Variants in ARSJ observed in about 807,000 individuals in gnomAD.
ARSJ encodes the protein arylsulfatase family member J.
A neutral mutation model predicts 35.9 loss-of-function variants in ARSJ; 26 were observed. The observed-to-expected ratio is 0.72, with a 90% CI of 0.53 to 1.00. The LOEUF is 1.00. Among genes scored for constraint, ARSJ ranks in the 50% least tolerant of loss-of-function variants. ARSJ has a pLI of 0.00. For missense variants in ARSJ, 667 were observed against 723.6 expected, an observed-to-expected ratio of 0.92 and a Z score of 0.90; for synonymous variants, 294 against 267.6, an observed-to-expected ratio of 1.10 and a Z score of -0.96.
Position 113,979,163 on chromosome 4 carries a change from A to C in ARSJ, c.-329T>G. 4.6e-6 allele frequency: 1 copy of C among 216,416 alleles called. No homozygotes were observed. The highest frequency in any genetic ancestry group is 5.1e-5 in the Admixed American group (1 of 19,560). The allele number at this position is 216,416 out of a possible 1,614,324, so 13.4% of individuals were successfully genotyped here. On this transcript the variant is annotated 5_prime_UTR_variant, in exon 1 of 2. Coordinates refer to ENST00000315366, the MANE Select transcript of ARSJ (RefSeq NM_024590.4). Reference sequence around the variant, plus strand: ...AAAAGTTCTCTGGAGAAAAAAACCAAGCAAGGAATTGAGAATCACAGTGGA... The same window carrying C: ...AAAAGTTCTCTGGAGAAAAAAACCACGCAAGGAATTGAGAATCACAGTGGA...
intron 1 of ARSJ, among the ~76,000 whole-genome samples, chr4:113,911,385 G>A (rs918770472): frequency 6.6e-6 from 1 of 152,178 alleles, no homozygotes; most frequent in African/African-American, 2.4e-5. Flanking sequence ...CACAATCGAA[G>A]CTTTGCGTTG....
intron 1 of ARSJ, among the ~76,000 whole-genome samples, chr4:113,947,567 G>A (rs1318312512): frequency 1.4e-5 from 2 of 140,150 alleles, no homozygotes; most frequent in Non-Finnish European, 3.2e-5. Context: ...AGTGAGGGAG[G>A]GAGGAAAGAA....
chr4:113,941,486 T>C (rs981145047), intron 1 of ARSJ, among the ~76,000 whole-genome samples: 1 of 152,022 alleles, frequency 6.6e-6, no homozygotes, highest in African/African-American at 2.4e-5. Flanking sequence ...CTGGTATCAG[T>C]GTGTTGCCAA....
At chr4:113,957,049 T>C (rs1170532527) in intron 1 of ARSJ, among the ~76,000 whole-genome samples, 1 of 152,094 alleles carries the variant, frequency 6.6e-6, no homozygotes, top group Non-Finnish European at 1.5e-5. Context: ...ATTATGTATA[T>C]TGTCCTAAAT....
chr4:113,929,534 G>T lies in ARSJ; in HGVS notation c.399-25859C>A, dbSNP rs546146409. ...AACTCAGTGTCCCCAGGTTTATCAG[G>T]GTCCTCCCACACATCCCCATTCCAA... On this transcript the variant is annotated intron_variant, in intron 1 of 1. Coordinates refer to ENST00000315366, the MANE Select transcript of ARSJ (RefSeq NM_024590.4). Among the ~76,000 whole-genome samples, 162 of 152,166 alleles carry T rather than the reference G, an allele frequency of 1.1e-3. 1 individual carries two copies. Among genetic ancestry groups the T allele is most frequent in the African/African-American group, 3.6e-3 (151 of 41,528 alleles).
chr4:113,924,064 T>TAA (rs142616605), intron 1 of ARSJ, among the ~76,000 whole-genome samples: 6 of 27,072 alleles, frequency 2.2e-4, no homozygotes, highest in East Asian at 3.1e-3. Context: ...TAAATATATA[T>TAA]AAATATATAT....
chr4:113,950,062 T>G (rs530151292), intron 1 of ARSJ, among the ~76,000 whole-genome samples: 1 of 152,046 alleles, frequency 6.6e-6, no homozygotes, highest in Non-Finnish European at 1.5e-5. Context: ...TAGAAATAGA[T>G]GCTATACAGA....
intron 1 of ARSJ, among the ~76,000 whole-genome samples, chr4:113,943,000 G>C (rs1725251534): frequency 6.6e-6 from 1 of 151,904 alleles, no homozygotes; most frequent in Non-Finnish European, 1.5e-5. Flanking sequence ...GGTAGATTTT[G>C]AATCTCTTTG....
At position 113,909,041 on chromosome 4, in the gene ARSJ, A is replaced by G. The variant is rs370872261; in HGVS notation, c.399-5366T>C. Reference sequence around the variant, plus strand: ...AAAGATGATGGTGGCTTGGACTACCATCTAGTGGCAGTAAAAATGGAAAGA... The same window carrying G: ...AAAGATGATGGTGGCTTGGACTACCGTCTAGTGGCAGTAAAAATGGAAAGA... On this transcript the variant is annotated intron_variant, in intron 1 of 1. Coordinates refer to ENST00000315366, the MANE Select transcript of ARSJ (RefSeq NM_024590.4). Among the ~76,000 whole-genome samples the G allele has an allele frequency of 1.7e-3, 262 of 152,262 alleles. 11 individuals are homozygous for G. The South Asian group carries it at 0.045, about 26-fold the overall frequency.
chr4:113,964,946 T>C (rs72664897), intron 1 of ARSJ, among the ~76,000 whole-genome samples: 139 of 152,222 alleles, frequency 9.1e-4, no homozygotes, highest in Non-Finnish European at 1.6e-3. Flanking sequence ...CAATAATATA[T>C]GTGGAAAAAA....
rs567548356 is a variant in ARSJ, at chr4:113,917,001, G to A, written c.399-13326C>T. 9.2e-5 allele frequency among the ~76,000 whole-genome samples: 14 copies of A among 152,256 alleles called. No homozygotes were observed. In the South Asian group the frequency reaches 2.3e-3, roughly 25 times the overall value. ...AAAACCAACTGACGGATACATCTCA[G>A]CTGGGATATTCCATCCAATTGTTTT... On this transcript the variant is annotated intron_variant, in intron 1 of 1. Transcript: ENST00000315366.
intron 1 of ARSJ, among the ~76,000 whole-genome samples, chr4:113,973,792 T>C (rs963117916): frequency 1.3e-5 from 2 of 152,138 alleles, no homozygotes; most frequent in Non-Finnish European, 2.9e-5. Context: ...ACATCTATAC[T>C]CTCTCTTCTT....
rs1452812341 is a variant in ARSJ at position 113,900,804 on chromosome 4, A to G, written c.*1470T>C. 6 of 152,120 alleles carry G rather than the reference A, an allele frequency of 3.9e-5. No individual in the cohort carries two copies. The highest frequency in any genetic ancestry group is 2.0e-4 in the Admixed American group (3 of 15,262). 9.4% of individuals were successfully genotyped at this position (152,120 alleles called of 1,614,324 possible). On this transcript the variant is annotated 3_prime_UTR_variant, in exon 2 of 2. Coordinates refer to ENST00000315366, the MANE Select transcript of ARSJ (RefSeq NM_024590.4). The stretch of plus-strand genomic sequence containing the variant: ...CCCATGATAAACTTCATTACTGATA[A>G]TACTCCTTTAATTCTCCTCATGACG...
intron 1 of ARSJ, among the ~76,000 whole-genome samples, chr4:113,975,914 A>G (rs1473784219): frequency 1.3e-5 from 2 of 152,172 alleles, no homozygotes; most frequent in Non-Finnish European, 2.9e-5. Flanking sequence ...TTTAACTAGC[A>G]TTTGGACTGA....
Position 113,902,020 on chromosome 4 carries a change from G to T in ARSJ, c.*254C>A. On this transcript the variant is annotated 3_prime_UTR_variant, in exon 2 of 2. Transcript: ENST00000315366. ...AGCAGTGGAACTCAGGACTCACCAC[G>T]TTTTCTAAAGGAGCAAGAGAAATAA... is the stretch of plus-strand genomic sequence containing the variant. 2 of 1,120,076 alleles carry T rather than the reference G, an allele frequency of 1.8e-6. No individual in the cohort carries two copies. Among genetic ancestry groups the T allele is most frequent in the Non-Finnish European group, 2.4e-6 (2 of 818,104 alleles). 69.4% of individuals were successfully genotyped at this position (1,120,076 alleles called of 1,614,324 possible).
intron 1 of ARSJ, among the ~76,000 whole-genome samples, chr4:113,938,148 A>T (rs1282505790): frequency 1.3e-5 from 2 of 151,940 alleles, no homozygotes; most frequent in Non-Finnish European, 2.9e-5. Context: ...TACTATGAGG[A>T]TACAGTAACC....
chr4:113,924,108 T>TAA (rs1190500996), intron 1 of ARSJ, among the ~76,000 whole-genome samples: 1 of 135,154 alleles, frequency 7.4e-6, no homozygotes, highest in African/African-American at 2.9e-5. Flanking sequence ...TATATATATA[T>TAA]ATATATATAT....
At chr4:113,973,281 A>G (rs1302750551) in intron 1 of ARSJ, among the ~76,000 whole-genome samples, 1 of 152,134 alleles carries the variant, frequency 6.6e-6, no homozygotes, top group Non-Finnish European at 1.5e-5. Flanking sequence ...ATACTTTCCC[A>G]ATCACTATTA....
chr4:113,930,178 T>C (rs927442870), intron 1 of ARSJ, among the ~76,000 whole-genome samples: 7 of 152,080 alleles, frequency 4.6e-5, no homozygotes, highest in Admixed American at 1.3e-4. Flanking sequence ...AATGGGAGTT[T>C]AGTAAGTATT....
Sources: allele counts gnomAD v4.1 joint callset (sites outside exome capture counted in the v4.1 genomes callset), GRCh38; gene constraint gnomAD v4.1.1; transcripts MANE v1.5; gene names NCBI Gene and HGNC (gene_info 2026-07-23, HGNC 2026-07-21).